Variants in TMEM116 observed in about 807,000 individuals in gnomAD.
TMEM116 encodes the protein transmembrane protein 116.
Under a neutral mutation model 44.3 loss-of-function variants are expected in TMEM116, and 38 were observed. The ratio of observed to expected loss-of-function variants is 0.86; its 90% CI spans 0.66 to 1.12. TMEM116 has a LOEUF of 1.12. Among genes scored for constraint, TMEM116 ranks in the 50% most tolerant of loss-of-function variants. The pLI is 0.00. For missense variants in TMEM116, 354 were observed against 401.7 expected, an observed-to-expected ratio of 0.88 and a Z score of 1.01; for synonymous variants, 132 against 144.8, an observed-to-expected ratio of 0.91 and a Z score of 0.64.
At chr12:111,974,851 C>A (rs1460734624) in intron 4 of TMEM116, among the ~76,000 whole-genome samples, 1 of 151,732 alleles carries the variant, frequency 6.6e-6, no homozygotes, top group African/African-American at 2.4e-5. Context: ...TATTTTATTT[C>A]TATATAATAA....
chr12:112,009,101 A>G (rs1781025465), intron 1 of TMEM116, among the ~76,000 whole-genome samples: 1 of 152,232 alleles, frequency 6.6e-6, no homozygotes, highest in South Asian at 2.1e-4. Flanking sequence ...GGAAATGCCC[A>G]GTGCTAGAAT....
intron 3 of TMEM116, chr12:112,000,700 A>G (rs1159196297): frequency 3.8e-6 from 2 of 524,318 alleles, no homozygotes; most frequent in Admixed American, 4.0e-5. Flanking sequence ...AACTTCTGCT[A>G]GCATCTCTTC....
intron 3 of TMEM116, chr12:112,000,858 C>A: frequency 2.2e-6 from 1 of 461,372 alleles, no homozygotes; most frequent in East Asian, 5.8e-5. Flanking sequence ...TGGCTCCTCC[C>A]CGAATCCACC....
At chr12:111,942,346 C>G (rs2072904152) in intron 5 of TMEM116, among the ~76,000 whole-genome samples, 1 of 152,068 alleles carries the variant, frequency 6.6e-6, no homozygotes, top group African/African-American at 2.4e-5. Flanking sequence ...GATCTCGGCT[C>G]ACTGCAAGCT....
At chr12:111,962,196 G>C (rs958047125) in intron 4 of TMEM116, among the ~76,000 whole-genome samples, 1 of 152,142 alleles carries the variant, frequency 6.6e-6, no homozygotes, top group Non-Finnish European at 1.5e-5. Context: ...AACATTCCAT[G>C]TTCATGGATA....
At chr12:111,990,694 A>G (rs1243984552) in intron 4 of TMEM116, among the ~76,000 whole-genome samples, 6 of 152,310 alleles carry the variant, frequency 3.9e-5, no homozygotes, top group Middle Eastern at 3.4e-3. Flanking sequence ...TGCGTGTCTC[A>G]GAAATATAGA....
chr12:111,940,529 A>ATATATATATATATACACATATATATGTG (rs2072691046), intron 5 of TMEM116, among the ~76,000 whole-genome samples: 1 of 119,156 alleles, frequency 8.4e-6, no homozygotes, highest in African/African-American at 4.2e-5. Flanking sequence ...ATGTGTATAT[A>ATATATATATATATACACATATATATGTG]TATATATATA....
At chr12:112,005,124 C>A (rs2077509279) in intron 2 of TMEM116, 133 bp downstream of exon 2, 1 of 559,062 alleles carries the variant, frequency 1.8e-6, no homozygotes, top group Non-Finnish European at 2.9e-6. Flanking sequence ...AAGAAAATAT[C>A]AAGATGATAA....
At chr12:111,972,491 T>C (rs1161451303) in intron 4 of TMEM116, among the ~76,000 whole-genome samples, 1 of 152,236 alleles carries the variant, frequency 6.6e-6, no homozygotes, top group East Asian at 1.9e-4. Context: ...ACAGAATTGA[T>C]ATTTATAGAA....
chr12:111,939,739 G>A lies in TMEM116; in HGVS notation c.316-1529C>T, dbSNP rs903498218. On this transcript the variant is annotated intron_variant, in intron 5 of 10. Transcript: ENST00000552374. ...GCAACTTGGGAGGCTGAGACGGGAG[G>A]ATCACTTGGGCCCAGGAGATTGAGG... is the stretch of plus-strand genomic sequence containing the variant. Among the ~76,000 whole-genome samples, 6 of 151,764 alleles carry A rather than the reference G, an allele frequency of 4.0e-5. No homozygotes were observed. The South Asian group carries it at 1.3e-3, about 32-fold the overall frequency.
At chr12:111,994,629 CAG>C (rs1439613886) in intron 3 of TMEM116, among the ~76,000 whole-genome samples, 1 of 152,136 alleles carries the variant, frequency 6.6e-6, no homozygotes, top group African/African-American at 2.4e-5. Context: ...GTACAGTATA[CAG>C]AGATAAGAAT....
At chr12:112,002,595 CA>C (rs1475436281) in intron 3 of TMEM116, among the ~76,000 whole-genome samples, 5 of 150,920 alleles carry the variant, frequency 3.3e-5, no homozygotes, top group Admixed American at 6.6e-5. Context: ...AAGAAAAAAG[CA>C]AAAAACCCCT....
chr12:111,941,049 C>T (rs1252501151), intron 5 of TMEM116, among the ~76,000 whole-genome samples: 1 of 152,074 alleles, frequency 6.6e-6, no homozygotes, highest in Non-Finnish European at 1.5e-5. Context: ...TCCTTACTAA[C>T]TTGTAGGGAG....
intron 5 of TMEM116, among the ~76,000 whole-genome samples, chr12:111,942,342 G>A (rs1350059116): frequency 2.0e-5 from 3 of 151,668 alleles, no homozygotes; most frequent in South Asian, 2.1e-4. Context: ...GCATGATCTC[G>A]GCTCACTGCA....
chr12:112,006,072 G>A (rs2077567831), intron 1 of TMEM116: 1 of 724,570 alleles, frequency 1.4e-6, no homozygotes, highest in African/African-American at 1.9e-5. Context: ...CAGTGAACAG[G>A]TGGCTCCACC....
chr12:111,994,471 G>A (rs968465084), intron 3 of TMEM116, among the ~76,000 whole-genome samples: 3 of 152,184 alleles, frequency 2.0e-5, no homozygotes, highest in South Asian at 2.1e-4. Context: ...CTGTGATGCC[G>A]CCAATGCACT....
At chr12:112,007,509 T>C (rs929221016) in intron 1 of TMEM116, among the ~76,000 whole-genome samples, 1 of 152,208 alleles carries the variant, frequency 6.6e-6, no homozygotes, top group Non-Finnish European at 1.5e-5. Context: ...CATTGTTAAA[T>C]AGAGGTTAAG....
chr12:111,986,833 G>C (rs914508211), intron 4 of TMEM116, among the ~76,000 whole-genome samples: 1 of 151,932 alleles, frequency 6.6e-6, no homozygotes, highest in Non-Finnish European at 1.5e-5. Context: ...ATGGTACCAG[G>C]AAAACTGAAC....
chr12:111,993,041 A>G (rs1393653407), intron 3 of TMEM116: 2 of 174,586 alleles, frequency 1.1e-5, no homozygotes, highest in Non-Finnish European at 2.4e-5. Context: ...TCAATGTGCC[A>G]CACCTGCAGC....
Sources: gnomAD v4.1 joint callset for allele counts (sites outside exome capture counted in the v4.1 genomes callset) on GRCh38, gnomAD v4.1.1 for gene constraint, MANE v1.5 for transcripts, NCBI Gene and HGNC (gene_info 2026-07-23, HGNC 2026-07-21) for gene names.